Variants in ZNF518B observed in about 807,000 individuals in gnomAD.
The protein encoded by ZNF518B is zinc finger protein 518B.
ZNF518B carries 23 observed loss-of-function variants against 56.3 expected under a neutral mutation model. The ratio of observed to expected loss-of-function variants is 0.41; its 90% CI spans 0.29 to 0.58. ZNF518B has a LOEUF of 0.58. Among genes scored for constraint, ZNF518B ranks in the 20% least tolerant of loss-of-function variants. The probability of loss-of-function intolerance (pLI) is 0.32; values close to 1 mark genes in which losing one functional copy is unlikely to be tolerated. For missense variants in ZNF518B, 1,460 were observed against 1,272.1 expected, an observed-to-expected ratio of 1.15 and a Z score of -2.25; for synonymous variants, 529 against 465.9, an observed-to-expected ratio of 1.14 and a Z score of -1.74.
rs745922194 is a variant in ZNF518B, at chr4:10,443,591, T to A, written c.2738A>T (p.Asp913Val). 6.2e-7 allele frequency: 1 copy of A among 1,614,196 alleles called. No individual in the cohort carries two copies. The highest frequency in any genetic ancestry group is 2.2e-5 in the East Asian group (1 of 44,876). Residue 913 changes from aspartate (D) to valine (V), a missense_variant, in exon 3 of 3, where the codon GAT becomes GTT. Physicochemically the swap from Asp to Val is radical, Grantham distance 152. Coordinates refer to ENST00000326756, the MANE Select transcript of ZNF518B (RefSeq NM_053042.3). ...IQAEPSRCLK[D>V]PSIFQVARQL... is the part of the protein sequence containing the mutation. Reference sequence around the variant, plus strand: ...CCTTGCAACCTGAAAAATTGAAGGATCCTTGAGACAGCGGCTAGGTTCAGC... The same window carrying A: ...CCTTGCAACCTGAAAAATTGAAGGAACCTTGAGACAGCGGCTAGGTTCAGC...
chr4:10,460,452 CCTTA>C (rs1251396612), upstream of ZNF518B, among the ~76,000 whole-genome samples: 4 of 152,062 alleles, frequency 2.6e-5, no homozygotes, highest in African/African-American at 9.6e-5. Context: ...GGACCACGAG[CCTTA>C]CAAATGCAAT....
At chr4:10,456,577 C>A (rs1054247109) in intron 1 of ZNF518B, among the ~76,000 whole-genome samples, 2 of 152,172 alleles carry the variant, frequency 1.3e-5, no homozygotes, top group African/African-American at 4.8e-5. Context: ...AAAGACAATG[C>A]CAGGCTGGTT....
chr4:10,460,319 AAAAAC>A (rs1715703307), upstream of ZNF518B, among the ~76,000 whole-genome samples: 1 of 87,580 alleles, frequency 1.1e-5, no homozygotes, highest in Non-Finnish European at 1.8e-5. Context: ...AAAAAAAAAA[AAAAAC>A]CAAAAAAAAA....
At chr4:10,458,207 G>C (rs577245954), upstream of ZNF518B, among the ~76,000 whole-genome samples, 346 of 152,320 alleles carry the variant, frequency 2.3e-3, no homozygotes, top group Non-Finnish European at 3.8e-3. Flanking sequence ...CATATTGCCA[G>C]GTCCCGCACA....
rs1715590273 is a variant in ZNF518B, at chr4:10,457,359, TCTACACCGCCGGCC to T, written c.-452_-439del. The T allele has an allele frequency of 6.6e-6, 1 of 151,686 alleles. No homozygotes were observed. The highest frequency in any genetic ancestry group is 1.5e-5 in the Non-Finnish European group (1 of 67,946). The allele number at this position is 151,686 out of a possible 1,614,324, so 9.4% of individuals were successfully genotyped here. On this transcript the variant is annotated 5_prime_UTR_variant, in exon 1 of 3. Transcript: ENST00000326756. ...GGTGCCAGGTCCCGGCGAAGGGGCG[TCTACACCGCCGGCC>T]GCAGACCGCCGGCGCCGCGCCCGCT...
intron 2 of ZNF518B, among the ~76,000 whole-genome samples, chr4:10,448,185 C>T (rs934892228): frequency 2.6e-5 from 4 of 152,136 alleles, no homozygotes; most frequent in Non-Finnish European, 5.9e-5. Flanking sequence ...TATAAGAACA[C>T]TAGAGTATAA....
chr4:10,447,425 G>A (rs1715108069), intron 2 of ZNF518B, among the ~76,000 whole-genome samples: 1 of 152,124 alleles, frequency 6.6e-6, no homozygotes, highest in African/African-American at 2.4e-5. Flanking sequence ...TTCAAGCACA[G>A]AAAAGGCAAT....
In ZNF518B at chr4:10,454,172, G is replaced by T. The variant is rs559097004; in HGVS notation, c.-212+633C>A. ...TATATTCTTGTGGGTGCCTGGAGGT[G>T]GGGTGAGGCCACCACCCCTGGGCTG... On this transcript the variant is annotated intron_variant, in intron 2 of 2. Transcript: ENST00000326756. 4 of 152,362 alleles carry T rather than the reference G, an allele frequency of 2.6e-5. No homozygotes were observed. The South Asian group carries it at 8.3e-4, about 32-fold the overall frequency. 9.4% of individuals were successfully genotyped at this position (152,362 alleles called of 1,614,324 possible). A position where few individuals can be genotyped will look rare whatever the true frequency, so the allele number is the denominator to read the frequency against.
At chr4:10,449,566 C>T (rs1715211365) in intron 2 of ZNF518B, among the ~76,000 whole-genome samples, 1 of 152,196 alleles carries the variant, frequency 6.6e-6, no homozygotes, top group Non-Finnish European at 1.5e-5. Context: ...TGCCTTGACT[C>T]TGGAGCAACA....
At chr4:10,450,716 G>A (rs1715266575) in intron 2 of ZNF518B, among the ~76,000 whole-genome samples, 1 of 152,128 alleles carries the variant, frequency 6.6e-6, no homozygotes, top group Non-Finnish European at 1.5e-5. Flanking sequence ...AGCTGTGCAT[G>A]GGTATGCTGG....
chr4:10,460,328 A>AAAAAAAAAAAAAAG, upstream of ZNF518B, among the ~76,000 whole-genome samples: 1 of 142,490 alleles, frequency 7.0e-6, no homozygotes, highest in Non-Finnish European at 1.5e-5. Flanking sequence ...AAAAAACCAA[A>AAAAAAAAAAAAAAG]AAAAAAAAAA....
upstream of ZNF518B, among the ~76,000 whole-genome samples, chr4:10,459,053 C>G (rs189749040): frequency 5.3e-5 from 8 of 152,300 alleles, no homozygotes; most frequent in African/African-American, 1.9e-4. Context: ...AATCCCAGTT[C>G]GGCCACATAG....
At chr4:10,454,030 C>T (rs1253966727) in intron 2 of ZNF518B, 1 of 152,244 alleles carries the variant, frequency 6.6e-6, no homozygotes, top group Non-Finnish European at 1.5e-5. Flanking sequence ...TCTTTAAAAG[C>T]TTCCCAGGTG....
chr4:10,448,877 AG>A (rs1715182015), intron 2 of ZNF518B, among the ~76,000 whole-genome samples: 2 of 152,318 alleles, frequency 1.3e-5, no homozygotes, highest in African/African-American at 4.8e-5. Context: ...AAATTTGCAG[AG>A]GCTTTAGTGA....
rs1220593787 is a variant in ZNF518B, at chr4:10,443,164, G to C, written c.3165C>G (p.Gly1055=). The change falls in exon 3 of 3, where the codon GGC becomes GGG. Residue 1055 remains glycine, a synonymous_variant. Transcript: ENST00000326756. ...YEDQEEWMSH[G]QRHLIEATRD... ...TAGTTGCTTCTATCAAATGCCGTTG[G>C]CCATGACTCATCCACTCTTCCTGGT... 1.2e-6 allele frequency: 2 copies of C among 1,614,202 alleles called. No individual in the cohort carries two copies. Among genetic ancestry groups the C allele is most frequent in the Non-Finnish European group, 1.7e-6 (2 of 1,180,036 alleles).
intron 1 of ZNF518B, among the ~76,000 whole-genome samples, chr4:10,455,697 A>T (rs1715497699): frequency 6.6e-6 from 1 of 152,226 alleles, no homozygotes; most frequent in South Asian, 2.1e-4. Context: ...AAATAAAGGA[A>T]TGCCATCCTT....
rs550338508 is a variant in ZNF518B at position 10,444,494 on chromosome 4, C to T, written c.1835G>A (p.Gly612Glu). 2.5e-6 allele frequency: 4 copies of T among 1,614,130 alleles called. No homozygotes were observed. The African/African-American group carries it at 5.3e-5, about 22-fold the overall frequency. ...ATTCTTTAATTCCAAAGGCTTATCC[C>T]CAGGCTGTTGAGATCTATCTTCTCC... ...ITGEDRSQQP[G>E]DKPLELKNSE... The change falls in exon 3 of 3, where the codon GGG becomes GAG. Residue 612 changes from glycine (G) to glutamate (E), a missense_variant. By Grantham distance (98) the Gly-to-Glu change is moderately conservative (BLOSUM62 -2). Coordinates refer to ENST00000326756, the MANE Select transcript of ZNF518B (RefSeq NM_053042.3).
At chr4:10,451,956 T>A (rs916107481) in intron 2 of ZNF518B, 2 of 152,180 alleles carry the variant, frequency 1.3e-5, no homozygotes, top group African/African-American at 4.8e-5. Flanking sequence ...GGTGGCCAAT[T>A]ATATCGCATA....
chr4:10,452,884 T>G (rs527998913), intron 2 of ZNF518B: 1 of 152,322 alleles, frequency 6.6e-6, no homozygotes, highest in South Asian at 2.1e-4. Flanking sequence ...GTACCCATGC[T>G]TGGGATCCTA....
Sources: gnomAD v4.1 joint callset for allele counts (sites outside exome capture counted in the v4.1 genomes callset) on GRCh38, gnomAD v4.1.1 for gene constraint, MANE v1.5 for transcripts, NCBI Gene and HGNC (gene_info 2026-07-23, HGNC 2026-07-21) for gene names.